KIF26B: variants seen among roughly 807,000 people sequenced by gnomAD.
The protein encoded by KIF26B is kinesin family member 26B.
In KIF26B, 63 loss-of-function variants were observed where a neutral mutation model predicts 151.2. That is an observed-to-expected ratio of 0.42 (90% CI 0.34 to 0.51). The LOEUF is 0.51. Among genes scored for constraint, KIF26B ranks in the 20% least tolerant of loss-of-function variants. KIF26B has a pLI of 0.07. For synonymous variants in KIF26B, 1,357 were observed against 1,262.1 expected (o/e 1.08, Z -1.59); for missense variants, 2,813 against 2,913.6 (o/e 0.97, Z 0.79).
chr1:245,496,985 C>T (rs1186357156), intron 4 of KIF26B, among the ~76,000 whole-genome samples: 1 of 151,946 alleles, frequency 6.6e-6, no homozygotes, highest in Admixed American at 6.6e-5. Flanking sequence ...GAAACCCCAT[C>T]TCTACTAAAA....
chr1:245,162,632 C>T (rs1668552207), intron 2 of KIF26B, among the ~76,000 whole-genome samples: 2 of 152,104 alleles, frequency 1.3e-5, no homozygotes, highest in Admixed American at 6.5e-5. Flanking sequence ...GATCCACCCG[C>T]CTTGGCCTCC....
intron 10 of KIF26B, among the ~76,000 whole-genome samples, chr1:245,678,369 T>C (rs2044382056): frequency 6.6e-6 from 1 of 152,096 alleles, no homozygotes; most frequent in Admixed American, 6.5e-5. Flanking sequence ...TTCTGGCACG[T>C]TGCAGGTGAA....
chr1:245,670,534 A>C (rs1244773157), intron 10 of KIF26B, among the ~76,000 whole-genome samples: 1 of 151,992 alleles, frequency 6.6e-6, no homozygotes, highest in African/African-American at 2.4e-5. Flanking sequence ...TCATTTAAAA[A>C]AAAAAGAATT....
intron 2 of KIF26B, among the ~76,000 whole-genome samples, chr1:245,231,290 A>G (rs1669992123): frequency 6.6e-6 from 1 of 152,120 alleles, no homozygotes; most frequent in Non-Finnish European, 1.5e-5. Context: ...TGAGGTGGGC[A>G]GATCACCTGA....
intron 2 of KIF26B, among the ~76,000 whole-genome samples, chr1:245,174,754 C>G (rs1668774926): frequency 6.6e-6 from 1 of 152,212 alleles, no homozygotes; most frequent in Non-Finnish European, 1.5e-5. Flanking sequence ...CACCAGTGAG[C>G]TTAGGACAGA....
intron 8 of KIF26B, 117 bp downstream of exon 8, chr1:245,609,645 C>T: frequency 8.7e-7 from 1 of 1,144,656 alleles, no homozygotes; most frequent in Non-Finnish European, 1.2e-6. Flanking sequence ...CGGGTGTTTA[C>T]TTTAAAGTGG....
At chr1:245,619,771 G>A (rs564774728) in intron 9 of KIF26B, among the ~76,000 whole-genome samples, 2 of 152,002 alleles carry the variant, frequency 1.3e-5, no homozygotes, top group African/African-American at 4.8e-5. Flanking sequence ...AAATTAGCCA[G>A]GCATGGTGGC....
intron 2 of KIF26B, among the ~76,000 whole-genome samples, chr1:245,198,439 T>G (rs1480385330): frequency 8.5e-5 from 13 of 152,104 alleles, no homozygotes; most frequent in Non-Finnish European, 1.0e-4. Flanking sequence ...GGTAAGTGCT[T>G]GGCTGGGTGC....
intron 3 of KIF26B, among the ~76,000 whole-genome samples, chr1:245,396,087 G>A (rs552266740): frequency 2.0e-5 from 3 of 152,208 alleles, no homozygotes; most frequent in Admixed American, 6.5e-5. Flanking sequence ...GGCTTGTGAC[G>A]TCTTTGCTTA....
At chr1:245,221,938 G>A (rs187865288) in intron 2 of KIF26B, among the ~76,000 whole-genome samples, 13 of 152,322 alleles carry the variant, frequency 8.5e-5, no homozygotes, top group Admixed American at 4.6e-4. Context: ...ATTTATATCC[G>A]TGGAATCAAA....
At chr1:245,691,032 CTG>C (rs1468188876) in intron 12 of KIF26B, among the ~76,000 whole-genome samples, 1 of 152,238 alleles carries the variant, frequency 6.6e-6, no homozygotes, top group Non-Finnish European at 1.5e-5. Flanking sequence ...GTCCAGATGA[CTG>C]TGTGGCATCG....
chr1:245,200,652 G>C (rs1031877859), intron 2 of KIF26B, among the ~76,000 whole-genome samples: 6 of 152,248 alleles, frequency 3.9e-5, no homozygotes, highest in African/African-American at 1.4e-4. Context: ...TCAGAAAGGG[G>C]TAAAAAATTG....
At chr1:245,337,618 A>G (rs913001361) in intron 2 of KIF26B, among the ~76,000 whole-genome samples, 2 of 151,900 alleles carry the variant, frequency 1.3e-5, no homozygotes, top group Admixed American at 6.6e-5. Flanking sequence ...TGTAGTCCAT[A>G]TTCTTAGAAC....
At chr1:245,511,190 T>C in intron 4 of KIF26B, 1 of 686,956 alleles carries the variant, frequency 1.5e-6, no homozygotes, top group East Asian at 2.7e-5. Flanking sequence ...CTATTTTTTT[T>C]TTACTTTAAC....
rs1174012757 is a variant in KIF26B, at chr1:245,602,254, C to T, written c.1351-323C>T. On this transcript the variant is annotated intron_variant, in intron 5 of 14. Coordinates refer to ENST00000407071, the MANE Select transcript of KIF26B (RefSeq NM_018012.4). The surrounding 1 kb of genome is among the most constrained non-coding windows in gnomAD (Gnocchi z 4.5). ...AGCCCCTATAGTTTGGCAGTCCAGA[C>T]TACCTTTTCATCTGTGTAATTGGGC... 6.6e-6 allele frequency among the ~76,000 whole-genome samples: 1 copy of T among 152,168 alleles called. No individual in the cohort carries two copies. The highest frequency in any genetic ancestry group is 6.5e-5 in the Admixed American group (1 of 15,284).
chr1:245,637,984 G>A (rs1191323856), intron 9 of KIF26B, among the ~76,000 whole-genome samples: 8 of 151,800 alleles, frequency 5.3e-5, no homozygotes, highest in East Asian at 3.8e-4. Context: ...TATCTACTAC[G>A]GGTTTTTTGT....
At chr1:245,343,283 CAT>C (rs1030863639) in intron 2 of KIF26B, among the ~76,000 whole-genome samples, 2 of 151,842 alleles carry the variant, frequency 1.3e-5, no homozygotes, top group African/African-American at 2.4e-5. Flanking sequence ...ACAGGAGGAT[CAT>C]GTGAGATTTC....
chr1:245,354,696 C>A (rs567707417), intron 2 of KIF26B, among the ~76,000 whole-genome samples: 1 of 152,166 alleles, frequency 6.6e-6, no homozygotes, highest in African/African-American at 2.4e-5. Flanking sequence ...CCAGCTACAA[C>A]GGAAGAGAGC....
intron 2 of KIF26B, among the ~76,000 whole-genome samples, chr1:245,281,805 T>C (rs1417900416): frequency 6.6e-6 from 1 of 152,044 alleles, no homozygotes; most frequent in Non-Finnish European, 1.5e-5. Context: ...AGGGATCCAG[T>C]TTCAGCTTTC....
Sources: gnomAD v4.1 joint callset for allele counts (sites outside exome capture counted in the v4.1 genomes callset) on GRCh38, gnomAD v4.1.1 for gene constraint, Gnocchi (gnomAD v3.1) non-coding constraint, MANE v1.5 for transcripts, NCBI Gene and HGNC (gene_info 2026-07-23, HGNC 2026-07-21) for gene names.